The following SPATS2L variants were observed in gnomAD, a reference collection of about 807,000 sequenced individuals.
SPATS2L encodes spermatogenesis associated serine rich 2 like, also known as SPATS2-like protein.
In SPATS2L, 30 loss-of-function variants were observed where a neutral mutation model predicts 59.6. The ratio of observed to expected loss-of-function variants is 0.50; its 90% CI spans 0.38 to 0.68. SPATS2L has a LOEUF of 0.68. Ranked by LOEUF, SPATS2L falls within the 30% of genes least tolerant of loss-of-function variation. The probability of loss-of-function intolerance (pLI) is 0.00; values close to 1 mark genes in which losing one functional copy is unlikely to be tolerated. For missense variants in SPATS2L, 615 were observed against 700.0 expected (o/e 0.88, Z 1.37); for synonymous variants, 252 against 263.5 (o/e 0.96, Z 0.42).
intron 2 of SPATS2L, among the ~76,000 whole-genome samples, chr2:200,368,728 G>A (rs1443090169): frequency 2.6e-5 from 4 of 152,254 alleles, no homozygotes; most frequent in Admixed American, 2.6e-4. Flanking sequence ...ATATTTCAGA[G>A]AAGAAGAAGA....
chr2:200,414,854 A>T (rs2083002318), intron 4 of SPATS2L, among the ~76,000 whole-genome samples: 6 of 152,224 alleles, frequency 3.9e-5, no homozygotes, highest in Non-Finnish European at 1.5e-5. Context: ...TCCAAATTAC[A>T]AATAGAATGT....
chr2:200,443,131 T>C (rs556693354), intron 8 of SPATS2L, among the ~76,000 whole-genome samples: 1 of 152,342 alleles, frequency 6.6e-6, no homozygotes, highest in African/African-American at 2.4e-5. Flanking sequence ...AAATCAACTA[T>C]GCATGCCTGC....
chr2:200,387,902 A>G (rs934299646), intron 2 of SPATS2L, among the ~76,000 whole-genome samples: 2 of 152,210 alleles, frequency 1.3e-5, no homozygotes, highest in Admixed American at 1.3e-4. Context: ...TTCCATTATA[A>G]TGGTGAAAGA....
chr2:200,412,517 G>T, intron 4 of SPATS2L, 98 bp downstream of exon 4: 1 of 601,596 alleles, frequency 1.7e-6, no homozygotes, highest in Non-Finnish European at 2.8e-6. Flanking sequence ...AATTCATTAT[G>T]TGTACTTTAG....
At chr2:200,427,317 A>T (rs1268664880) in intron 6 of SPATS2L, among the ~76,000 whole-genome samples, 1 of 151,986 alleles carries the variant, frequency 6.6e-6, no homozygotes, top group Non-Finnish European at 1.5e-5. Context: ...CAAGCACCCC[A>T]TAAATATATA....
chr2:200,413,454 C>A (rs543655076), intron 4 of SPATS2L, among the ~76,000 whole-genome samples: 1 of 152,326 alleles, frequency 6.6e-6, no homozygotes, highest in East Asian at 1.9e-4. Flanking sequence ...AAATTATCCT[C>A]TTCTAATCAA....
chr2:200,355,655 A>G (rs2080890910), intron 2 of SPATS2L, among the ~76,000 whole-genome samples: 1 of 152,236 alleles, frequency 6.6e-6, no homozygotes, highest in African/African-American at 2.4e-5. Flanking sequence ...GAAGTTCTGA[A>G]TTGAGTTCTC....
At chr2:200,356,684 T>A (rs1251954955) in intron 2 of SPATS2L, among the ~76,000 whole-genome samples, 1 of 152,214 alleles carries the variant, frequency 6.6e-6, no homozygotes, top group Non-Finnish European at 1.5e-5. Flanking sequence ...GCTTGGTAAA[T>A]GACTAATAAC....
intron 3 of SPATS2L, chr2:200,390,699 A>G (rs926339990): frequency 6.6e-6 from 1 of 152,264 alleles, no homozygotes; most frequent in Non-Finnish European, 1.5e-5. Context: ...AATACCACTT[A>G]GAATCCTGGC....
At chr2:200,391,341 T>C (rs530385079) in intron 3 of SPATS2L, among the ~76,000 whole-genome samples, 1 of 152,360 alleles carries the variant, frequency 6.6e-6, no homozygotes, top group East Asian at 1.9e-4. Flanking sequence ...TTATTTGATG[T>C]GTTAATAGAG....
chr2:200,472,925 G>C lies in SPATS2L; in HGVS notation c.1154G>C (p.Ser385Thr), dbSNP rs1351862317. The C allele has an allele frequency of 1.2e-6, 2 of 1,613,878 alleles. No individual in the cohort carries two copies. The highest frequency in any genetic ancestry group is 1.7e-5 in the Admixed American group (1 of 60,014). ...CACGCAGCAACCTCTGGGAAACAGAGTAACTTTTCCCGAAAATCATCCACT... is the reference window on the plus strand; with the variant it reads ...CACGCAGCAACCTCTGGGAAACAGACTAACTTTTCCCGAAAATCATCCACT... ...NAHAATSGKQ[S>T]NFSRKSSTHN... The change falls in exon 12 of 13, where the codon AGT becomes ACT. Residue 385 changes from serine (S) to threonine (T), a missense_variant. Physicochemically the swap from Ser to Thr is moderately conservative, Grantham distance 58. Coordinates refer to ENST00000409140, the MANE Select transcript of SPATS2L (RefSeq NM_001100423.2).
intron 1 of SPATS2L, among the ~76,000 whole-genome samples, chr2:200,327,335 C>T (rs1206285389): frequency 1.3e-5 from 2 of 151,546 alleles, no homozygotes; most frequent in African/African-American, 2.4e-5. Context: ...ACCTGGGAGG[C>T]GGAGGTTGCA....
At chr2:200,432,409 T>A (rs1311467094) in intron 6 of SPATS2L, among the ~76,000 whole-genome samples, 2 of 151,678 alleles carry the variant, frequency 1.3e-5, no homozygotes, top group Admixed American at 6.6e-5. Context: ...CCCCTTATCA[T>A]CTCTTCCATC....
upstream of SPATS2L, chr2:200,306,631 G>A (rs1195043319): frequency 3.0e-6 from 3 of 991,528 alleles, no homozygotes; most frequent in Admixed American, 6.2e-5. Context: ...AGGCGGGCGG[G>A]TCGGCGGGCG....
chr2:200,356,338 T>G (rs1285439849), intron 2 of SPATS2L, among the ~76,000 whole-genome samples: 1 of 152,164 alleles, frequency 6.6e-6, no homozygotes, highest in Non-Finnish European at 1.5e-5. Context: ...TTTGTCTCAC[T>G]GGCAATGAAC....
intron 2 of SPATS2L, among the ~76,000 whole-genome samples, chr2:200,352,149 G>A (rs1055954258): frequency 3.3e-5 from 5 of 151,844 alleles, no homozygotes; most frequent in Admixed American, 3.3e-4. Flanking sequence ...AACCAAAAAA[G>A]GTAGTGCTGT....
chr2:200,479,991 C>G lies in SPATS2L; in HGVS notation c.*1960C>G, dbSNP rs2087739751. ...TCGGCACTGTAGGCCCTGTTTACCC[C>G]ATCTGAGGCCCTGAATTCATATATT... On this transcript the variant is annotated 3_prime_UTR_variant, in exon 13 of 13. Coordinates refer to ENST00000409140, the MANE Select transcript of SPATS2L (RefSeq NM_001100423.2). 7 of 369,650 alleles carry G rather than the reference C, an allele frequency of 1.9e-5. No homozygotes were observed. The South Asian group carries it at 1.0e-3, about 54-fold the overall frequency. The allele number at this position is 369,650 out of a possible 1,614,324, so 22.9% of individuals were successfully genotyped here.
chr2:200,411,719 A>C (rs2082884425), intron 3 of SPATS2L, among the ~76,000 whole-genome samples: 1 of 150,270 alleles, frequency 6.7e-6, no homozygotes, highest in Non-Finnish European at 1.5e-5. Context: ...TGTATTTACT[A>C]TTTTCAATGT....
Position 200,439,132 on chromosome 2 carries a change from A to G in SPATS2L, c.456A>G (p.Arg152=). The G allele has an allele frequency of 1.2e-6, 2 of 1,613,362 alleles. No homozygotes were observed. The highest frequency in any genetic ancestry group is 1.7e-6 in the Non-Finnish European group (2 of 1,179,408). Residue 152 remains arginine, a synonymous_variant, in exon 7 of 13, where the codon AGA becomes AGG. Coordinates refer to ENST00000409140, the MANE Select transcript of SPATS2L (RefSeq NM_001100423.2). ...GGTGTTTTCTTACAGAAGGCAACAG[A>G]CTACTGCAACAGAAACTATCCTTAG... ...KALRGVTEGN[R]LLQQKLSLDG... is the part of the protein sequence containing the mutation.
Sources: gnomAD v4.1 joint callset for allele counts (sites outside exome capture counted in the v4.1 genomes callset) on GRCh38, gnomAD v4.1.1 for gene constraint, MANE v1.5 for transcripts, NCBI Gene and HGNC (gene_info 2026-07-23, HGNC 2026-07-21) for gene names.